Variants in CTNND2 observed in about 807,000 individuals in gnomAD.
CTNND2 encodes the protein catenin delta 2.
Under a neutral mutation model 144.4 loss-of-function variants are expected in CTNND2, and 22 were observed. The observed-to-expected ratio is 0.15, with a 90% confidence interval of 0.11 to 0.22. The LOEUF is 0.22. Ranked by LOEUF, CTNND2 falls within the 10% of genes least tolerant of loss-of-function variation. CTNND2 has a pLI of 1.00. For synonymous variants in CTNND2, 751 were observed against 695.6 expected, an observed-to-expected ratio of 1.08 and a Z score of -1.25; for missense variants, 1,353 against 1,618.8, an observed-to-expected ratio of 0.84 and a Z score of 2.82.
In CTNND2 at chr5:11,804,521, A is replaced by C. The variant is rs1160089240; in HGVS notation, c.38-72249T>G. Among the ~76,000 whole-genome samples, 4 of 152,314 alleles carry C rather than the reference A, an allele frequency of 2.6e-5. No individual in the cohort carries two copies. The East Asian group carries it at 5.8e-4, about 22-fold the overall frequency. ...ATATAATGGAAGATTATTCAGCCCC[A>C]AAAATAAATGAGCTATCAAGCCATG... On this transcript the variant is annotated intron_variant, in intron 1 of 21. Coordinates refer to ENST00000304623, the MANE Select transcript of CTNND2 (RefSeq NM_001332.4).
chr5:11,460,096 T>C (rs1280571934), intron 3 of CTNND2, among the ~76,000 whole-genome samples: 4 of 152,148 alleles, frequency 2.6e-5, no homozygotes, highest in Non-Finnish European at 5.9e-5. Flanking sequence ...GGTAACAGAT[T>C]TAATGGTCCT....
At chr5:11,651,408 C>T (rs916825401) in intron 2 of CTNND2, among the ~76,000 whole-genome samples, 2 of 152,224 alleles carry the variant, frequency 1.3e-5, no homozygotes, top group African/African-American at 4.8e-5. Context: ...GGCGCACAGC[C>T]ATCATAGAGA....
intron 9 of CTNND2, among the ~76,000 whole-genome samples, chr5:11,268,045 G>T (rs755014032): frequency 8.5e-5 from 13 of 152,222 alleles, no homozygotes; most frequent in Non-Finnish European, 1.6e-4. Context: ...GGCAATGGTA[G>T]AAGGTGTGAT....
intron 1 of CTNND2, among the ~76,000 whole-genome samples, chr5:11,745,491 GC>G (rs1357606263): frequency 1.3e-5 from 2 of 152,140 alleles, no homozygotes; most frequent in East Asian, 3.9e-4. Context: ...CTTTGGCAAA[GC>G]CATGCACACC....
At chr5:11,632,166 G>A (rs568432298) in intron 2 of CTNND2, among the ~76,000 whole-genome samples, 21 of 152,314 alleles carry the variant, frequency 1.4e-4, no homozygotes, top group Admixed American at 1.0e-3. Context: ...GAAAGAGATA[G>A]CTAAGATGAT....
intron 5 of CTNND2, among the ~76,000 whole-genome samples, chr5:11,407,849 G>A (rs1761214332): frequency 1.3e-5 from 2 of 150,702 alleles, no homozygotes; most frequent in African/African-American, 2.4e-5. Flanking sequence ...GTTTCTATAC[G>A]GGAGAGGTAA....
intron 11 of CTNND2, among the ~76,000 whole-genome samples, chr5:11,170,562 A>G (rs1759795582): frequency 6.6e-6 from 1 of 151,900 alleles, no homozygotes; most frequent in Non-Finnish European, 1.5e-5. Flanking sequence ...CTCTACTAAA[A>G]CACACATACA....
chr5:11,175,050 C>G (rs1760336342), intron 11 of CTNND2, among the ~76,000 whole-genome samples: 1 of 152,104 alleles, frequency 6.6e-6, no homozygotes, highest in Non-Finnish European at 1.5e-5. Context: ...TGGAAGGTGA[C>G]TTTCCTGAGT....
At chr5:11,512,867 G>C (rs1771782699) in intron 3 of CTNND2, among the ~76,000 whole-genome samples, 1 of 152,148 alleles carries the variant, frequency 6.6e-6, no homozygotes, top group Non-Finnish European at 1.5e-5. Context: ...GTCTGCAGGA[G>C]AAAAGACAGA....
intron 9 of CTNND2, among the ~76,000 whole-genome samples, chr5:11,322,191 C>T (rs1752103987): frequency 6.6e-6 from 1 of 152,144 alleles, no homozygotes; most frequent in Non-Finnish European, 1.5e-5. Context: ...TGTAGAAAGC[C>T]TCTCTCTTCC....
At chr5:11,441,624 C>T (rs1034083907) in intron 3 of CTNND2, among the ~76,000 whole-genome samples, 4 of 145,134 alleles carry the variant, frequency 2.8e-5, no homozygotes, top group Admixed American at 1.4e-4. Flanking sequence ...CCTGGTAATC[C>T]ACTCCCCACC....
intron 8 of CTNND2, among the ~76,000 whole-genome samples, chr5:11,355,952 G>C (rs928104779): frequency 2.0e-5 from 3 of 151,914 alleles, no homozygotes; most frequent in African/African-American, 7.2e-5. Flanking sequence ...AATATTAATA[G>C]CTACAAAAAT....
intron 9 of CTNND2, among the ~76,000 whole-genome samples, chr5:11,320,583 G>A (rs745410459): frequency 8.5e-5 from 13 of 152,208 alleles, no homozygotes; most frequent in Non-Finnish European, 1.9e-4. Flanking sequence ...CTGGGTGGGG[G>A]CCTCACAACC....
chr5:11,794,907 A>C (rs1368405168), intron 1 of CTNND2, among the ~76,000 whole-genome samples: 1 of 152,042 alleles, frequency 6.6e-6, no homozygotes, highest in Non-Finnish European at 1.5e-5. Context: ...AACACAAAAA[A>C]CTCATGGTAT....
At chr5:11,260,371 G>A (rs914223196) in intron 9 of CTNND2, among the ~76,000 whole-genome samples, 2 of 152,028 alleles carry the variant, frequency 1.3e-5, no homozygotes, top group African/African-American at 4.8e-5. Flanking sequence ...CTTCCGAAGA[G>A]CTTTATTTAC....
At chr5:11,183,992 G>T (rs1046777793) in intron 11 of CTNND2, among the ~76,000 whole-genome samples, 6 of 152,016 alleles carry the variant, frequency 3.9e-5, no homozygotes, top group Non-Finnish European at 7.4e-5. Flanking sequence ...TTAAACATCT[G>T]CTTCAAAACT....
At chr5:11,178,231 G>A (rs1760663034) in intron 11 of CTNND2, among the ~76,000 whole-genome samples, 1 of 152,178 alleles carries the variant, frequency 6.6e-6, no homozygotes, top group Non-Finnish European at 1.5e-5. Context: ...AGATGGATGA[G>A]CATCAGTGAA....
At chr5:11,181,181 G>A (rs900867269) in intron 11 of CTNND2, among the ~76,000 whole-genome samples, 4 of 152,108 alleles carry the variant, frequency 2.6e-5, no homozygotes, top group African/African-American at 4.8e-5. Flanking sequence ...TATTTGACTC[G>A]CCCTTAGCCC....
At position 11,617,082 on chromosome 5, in the gene CTNND2, T is replaced by G. The variant is rs1028662519; in HGVS notation, c.175-52026A>C. On this transcript the variant is annotated intron_variant, in intron 2 of 21. Coordinates refer to ENST00000304623, the MANE Select transcript of CTNND2 (RefSeq NM_001332.4). The stretch of plus-strand genomic sequence containing the variant: ...TCTACTCGTATCAGACCTGTGGCTA[T>G]GCATGTGCCAAGGTTTCCAGAAAAT... 4.6e-5 allele frequency among the ~76,000 whole-genome samples: 7 copies of G among 152,242 alleles called. No individual in the cohort carries two copies. The East Asian group carries it at 1.3e-3, about 29-fold the overall frequency.
Sources: allele counts gnomAD v4.1 joint callset (sites outside exome capture counted in the v4.1 genomes callset), GRCh38; gene constraint gnomAD v4.1.1; transcripts MANE v1.5; gene names NCBI Gene and HGNC (gene_info 2026-07-23, HGNC 2026-07-21).